The following DMD variants were observed in gnomAD, a reference collection of about 807,000 sequenced individuals.
DMD encodes the protein dystrophin, also known as mutant dystrophin.
In DMD, 63 loss-of-function variants were observed where a neutral mutation model predicts 330.1. That is an observed-to-expected ratio of 0.19 (90% confidence interval 0.16 to 0.24). The LOEUF is 0.24. Ranked by LOEUF, DMD falls within the 10% of genes least tolerant of loss-of-function variation. DMD has a pLI of 1.00. For missense variants in DMD, 3,344 were observed against 2,684.1 expected (o/e 1.25, Z -5.43); for synonymous variants, 1,223 against 959.8 (o/e 1.27, Z -5.07).
At chrX:31,455,823 C>A (rs1422167422) in intron 59 of DMD, among the ~76,000 whole-genome samples, 1 of 111,832 alleles carries the variant, frequency 8.9e-6, no homozygotes, top group Non-Finnish European at 1.9e-5. Context: ...CAAGTTAGTG[C>A]ATCTTTTGGA....
At chrX:31,520,287 C>T in intron 55 of DMD, among the ~76,000 whole-genome samples, 1 of 110,674 alleles carries the variant, frequency 9.0e-6, no homozygotes, top group East Asian at 2.9e-4. Flanking sequence ...GTGGCTTCCC[C>T]CATGCTGTTT....
chrX:31,347,335 C>T lies in DMD; in HGVS notation c.9163+1221G>A, dbSNP rs996560000. Among the ~76,000 whole-genome samples, 8 of 110,478 alleles carry T rather than the reference C, an allele frequency of 7.2e-5. No homozygotes were observed. The East Asian group carries it at 1.7e-3, about 24-fold the overall frequency. ...TCTATTCTGCTGTCAAATGATATAA[C>T]GTAGTCCTTCTATCTAACTGGATGT... On this transcript the variant is annotated intron_variant, in intron 61 of 78. Transcript: ENST00000357033.
At chrX:31,312,950 T>C (rs1251555701) in intron 62 of DMD, among the ~76,000 whole-genome samples, 1 of 109,014 alleles carries the variant, frequency 9.2e-6, no homozygotes, top group Non-Finnish European at 1.9e-5. Context: ...CCAGGGCCTG[T>C]TGGGGTTTGG....
chrX:31,592,380 C>CTA (rs34388625), intron 55 of DMD, among the ~76,000 whole-genome samples: 3,646 of 92,044 alleles, frequency 0.04, 58 homozygotes, highest in Middle Eastern at 0.056. Context: ...CATATATATT[C>CTA]TATATATATA....
chrX:32,944,850 C>A (rs1283090815), intron 2 of DMD, among the ~76,000 whole-genome samples: 5 of 110,931 alleles, frequency 4.5e-5, no homozygotes, highest in Non-Finnish European at 9.4e-5. Flanking sequence ...AGGTGATCCA[C>A]CCGCCTCGGC....
At chrX:31,538,319 G>C (rs1176554968) in intron 55 of DMD, among the ~76,000 whole-genome samples, 1 of 112,082 alleles carries the variant, frequency 8.9e-6, no homozygotes, top group African/African-American at 3.2e-5. Context: ...TTGGAATTTG[G>C]AACATTTGGA....
At chrX:32,816,361 AT>A (rs1484888025) in intron 6 of DMD, 106 bp downstream of exon 6, 1 of 858,619 alleles carries the variant, frequency 1.2e-6, no homozygotes. Flanking sequence ...TGTACATAAC[AT>A]GTTGTAAAGT....
intron 60 of DMD, among the ~76,000 whole-genome samples, chrX:31,429,233 C>T (rs1479643585): frequency 6.3e-5 from 7 of 111,724 alleles, no homozygotes; most frequent in Non-Finnish European, 1.3e-4. Context: ...CACCCTAGAA[C>T]TTACTGGCTA....
intron 44 of DMD, among the ~76,000 whole-genome samples, chrX:32,010,062 C>G (rs2095694041): frequency 9.0e-6 from 1 of 111,238 alleles, no homozygotes; most frequent in African/African-American, 3.3e-5. Context: ...TTTGTCTTAC[C>G]TCAGTGAGGA....
intron 1 of DMD, among the ~76,000 whole-genome samples, chrX:33,245,286 A>G (rs1325706458): frequency 3.4e-5 from 1 of 29,540 alleles, no homozygotes; most frequent in Non-Finnish European, 3.1e-4. Flanking sequence ...TCTGAAAAGT[A>G]AAAAAAAAAA....
At chrX:32,653,562 C>A (rs981375273) in intron 9 of DMD, among the ~76,000 whole-genome samples, 2 of 111,654 alleles carry the variant, frequency 1.8e-5, no homozygotes, top group Non-Finnish European at 3.8e-5. Context: ...TTACTGTAGC[C>A]TTGTAGTATA....
intron 60 of DMD, among the ~76,000 whole-genome samples, chrX:31,400,338 G>A (rs1213258008): frequency 1.8e-5 from 2 of 110,916 alleles, no homozygotes; most frequent in Non-Finnish European, 3.8e-5. Flanking sequence ...GCCCCTCCTT[G>A]CTTCAAGTTG....
At chrX:32,553,743 C>A (rs2049854400) in intron 16 of DMD, among the ~76,000 whole-genome samples, 1 of 111,716 alleles carries the variant, frequency 9.0e-6, no homozygotes, top group Admixed American at 9.5e-5. Context: ...TGGTTTGGCT[C>A]TCTGTCCCCA....
chrX:32,768,655 A>C (rs1603390563), intron 7 of DMD, among the ~76,000 whole-genome samples: 1 of 111,948 alleles, frequency 8.9e-6, no homozygotes, highest in East Asian at 2.8e-4. Context: ...AGAAATTATA[A>C]TCCCACTGGG....
intron 4 of DMD, among the ~76,000 whole-genome samples, chrX:32,839,500 T>C (rs1237713390): frequency 8.9e-6 from 1 of 112,035 alleles, no homozygotes; most frequent in African/African-American, 3.2e-5. Context: ...TCAATCAACT[T>C]ATATACCTGT....
At chrX:33,305,975 G>A (rs1011347350) in intron 1 of DMD, among the ~76,000 whole-genome samples, 2 of 112,087 alleles carry the variant, frequency 1.8e-5, no homozygotes, top group Non-Finnish European at 3.8e-5. Flanking sequence ...AAAGGAGACA[G>A]AGAGTAGCTC....
intron 62 of DMD, among the ~76,000 whole-genome samples, chrX:31,322,914 T>A (rs1159638904): frequency 9.0e-6 from 1 of 111,653 alleles, no homozygotes; most frequent in Non-Finnish European, 1.9e-5. Context: ...GCACAATGGA[T>A]GAGAGACTGT....
chrX:33,248,628 C>T (rs1047702095), intron 1 of DMD, among the ~76,000 whole-genome samples: 12 of 111,671 alleles, frequency 1.1e-4, no homozygotes, highest in African/African-American at 3.9e-4. Context: ...CTCCATCTTT[C>T]ACAGGAATAA....
intron 2 of DMD, among the ~76,000 whole-genome samples, chrX:32,894,856 G>A (rs960936185): frequency 2.7e-5 from 3 of 112,371 alleles, no homozygotes; most frequent in African/African-American, 6.5e-5. Flanking sequence ...AGAGTCAGAT[G>A]TCAACCGCAG....
Sources: gnomAD v4.1 joint callset for allele counts (sites outside exome capture counted in the v4.1 genomes callset) on GRCh38, gnomAD v4.1.1 for gene constraint, MANE v1.5 for transcripts, NCBI Gene and HGNC (gene_info 2026-07-23, HGNC 2026-07-21) for gene names.